EHBP1: variants seen among roughly 807,000 people sequenced by gnomAD.
EHBP1 encodes the protein EH domain binding protein 1, also known as EH domain-binding protein 1.
In EHBP1, 55 loss-of-function variants were observed where a neutral mutation model predicts 144.0. That is an observed-to-expected ratio of 0.38 (90% confidence interval 0.31 to 0.48). EHBP1 has a LOEUF of 0.48. EHBP1 is among the 20% of genes least tolerant of loss of function. The pLI is 0.98. For synonymous variants in EHBP1, 469 were observed against 472.7 expected (o/e 0.99, Z 0.10); for missense variants, 1,200 against 1,364.2 (o/e 0.88, Z 1.90).
intron 7 of EHBP1, among the ~76,000 whole-genome samples, chr2:62,847,052 T>A (rs1274197259): frequency 6.6e-6 from 1 of 152,182 alleles, no homozygotes; most frequent in Non-Finnish European, 1.5e-5. Context: ...ATTATAATAG[T>A]AATGCTACCT....
intron 10 of EHBP1, among the ~76,000 whole-genome samples, chr2:62,933,440 A>C (rs1394395843): frequency 6.6e-6 from 1 of 152,184 alleles, no homozygotes; most frequent in Non-Finnish European, 1.5e-5. Context: ...CACAAATGAT[A>C]GTTTCTTAAG....
intron 21 of EHBP1, chr2:63,043,862 G>GT (rs2061787866): frequency 8.6e-6 from 1 of 116,950 alleles, no homozygotes; most frequent in Non-Finnish European, 1.6e-5. Flanking sequence ...ACTTCTCTCT[G>GT]TTTTTTGGAA....
intron 14 of EHBP1, among the ~76,000 whole-genome samples, chr2:62,977,839 G>A (rs532452297): frequency 6.6e-6 from 1 of 152,166 alleles, no homozygotes; most frequent in Non-Finnish European, 1.5e-5. Context: ...CATAGAGGAA[G>A]GATTACTTTA....
chr2:63,008,613 T>G (rs550215150), intron 19 of EHBP1, among the ~76,000 whole-genome samples: 12 of 150,018 alleles, frequency 8.0e-5, no homozygotes, highest in South Asian at 2.1e-4. Flanking sequence ...TACCTAGAGG[T>G]TTTTTTTTCT....
chr2:62,915,720 T>A (rs913539539), intron 10 of EHBP1, among the ~76,000 whole-genome samples: 3 of 151,620 alleles, frequency 2.0e-5, no homozygotes, highest in Admixed American at 6.6e-5. Context: ...TAAAAAAAAT[T>A]TTTTTTAAAA....
At chr2:62,696,935 C>G (rs1174606596) in intron 1 of EHBP1, among the ~76,000 whole-genome samples, 1 of 152,108 alleles carries the variant, frequency 6.6e-6, no homozygotes, top group Non-Finnish European at 1.5e-5. Flanking sequence ...GAGGAAAAGA[C>G]AGTGAAAATA....
At chr2:62,784,362 T>C (rs2042662959) in intron 5 of EHBP1, among the ~76,000 whole-genome samples, 1 of 152,228 alleles carries the variant, frequency 6.6e-6, no homozygotes, top group Non-Finnish European at 1.5e-5. Flanking sequence ...TTGGATTTCA[T>C]TATCCTGGGT....
intron 1 of EHBP1, among the ~76,000 whole-genome samples, chr2:62,680,987 C>G (rs1240422756): frequency 6.6e-6 from 1 of 151,946 alleles, no homozygotes; most frequent in Non-Finnish European, 1.5e-5. Context: ...TTTTGAATAT[C>G]AAACAAGATA....
rs190096499 is a variant in EHBP1, at chr2:62,893,318, C to T, written c.1185+18786C>T. ...TTTTATTATAAAAAATACTCTCATG[C>T]GCGATCGTTCTCATAACTTTTTTTT... On this transcript the variant is annotated intron_variant, in intron 10 of 22. Coordinates refer to ENST00000431489, the MANE Select transcript of EHBP1 (RefSeq NM_001142616.3). 3.4e-4 allele frequency among the ~76,000 whole-genome samples: 51 copies of T among 152,120 alleles called. 1 individual carries two copies. In the East Asian group the frequency reaches 7.2e-3, roughly 21 times the overall value.
chr2:63,021,738 C>T (rs1004815544), intron 19 of EHBP1, among the ~76,000 whole-genome samples: 4 of 151,950 alleles, frequency 2.6e-5, no homozygotes, highest in Non-Finnish European at 4.4e-5. Flanking sequence ...AGCTCTGTTC[C>T]GACACCTTTC....
chr2:62,999,692 G>T (rs1469300241), intron 19 of EHBP1, among the ~76,000 whole-genome samples: 1 of 152,044 alleles, frequency 6.6e-6, no homozygotes, highest in African/African-American at 2.4e-5. Context: ...ATATTCTATT[G>T]TATGTTTATA....
chr2:62,889,162 C>T (rs1207150547), intron 10 of EHBP1, among the ~76,000 whole-genome samples: 1 of 139,958 alleles, frequency 7.1e-6, no homozygotes, highest in Non-Finnish European at 1.5e-5. Context: ...TTCCCAGGTT[C>T]AAGCAATTCT....
chr2:62,744,096 G>A (rs1395922913), intron 2 of EHBP1, among the ~76,000 whole-genome samples: 3 of 152,104 alleles, frequency 2.0e-5, no homozygotes, highest in Non-Finnish European at 2.9e-5. Context: ...TTCCAATGGA[G>A]CCCTTTAGAC....
chr2:62,858,786 AT>A, intron 7 of EHBP1, among the ~76,000 whole-genome samples: 1 of 152,232 alleles, frequency 6.6e-6, no homozygotes, highest in East Asian at 1.9e-4. Context: ...GTGTGTTTAT[AT>A]ATTATAAATA....
intron 2 of EHBP1, among the ~76,000 whole-genome samples, chr2:62,738,516 T>C (rs2038371769): frequency 6.6e-6 from 1 of 152,190 alleles, no homozygotes; most frequent in African/African-American, 2.4e-5. Flanking sequence ...AATTCATCAG[T>C]TCCTTTCCTC....
chr2:62,841,152 A>T (rs1271762505), intron 7 of EHBP1, among the ~76,000 whole-genome samples: 1 of 152,212 alleles, frequency 6.6e-6, no homozygotes, highest in African/African-American at 2.4e-5. Flanking sequence ...ATGGAATATT[A>T]TGCAGCCATA....
chr2:62,704,552 T>G (rs2034387469), upstream of EHBP1, among the ~76,000 whole-genome samples: 2 of 152,250 alleles, frequency 1.3e-5, no homozygotes, highest in South Asian at 2.1e-4. Context: ...CCGCTTGCTT[T>G]CTTTTTATGT....
chr2:63,027,014 AT>A (rs2061010109), intron 19 of EHBP1, among the ~76,000 whole-genome samples: 1 of 152,186 alleles, frequency 6.6e-6, no homozygotes, highest in Non-Finnish European at 1.5e-5. Flanking sequence ...GTTGGCCTGA[AT>A]TCTAAATAAA....
At position 62,689,335 on chromosome 2, in the gene EHBP1, A is replaced by G. The variant is rs187486525; in HGVS notation, c.-296+15252A>G. On this transcript the variant is annotated intron_variant, in intron 1 of 22. Coordinates refer to the EHBP1 transcript ENST00000405015. ...TATGATATATCTTCATGAAACAAAA[A>G]TAGCTATTACTGAAATAATTTTTTA... Among the ~76,000 whole-genome samples the G allele has an allele frequency of 2.5e-3, 379 of 152,360 alleles. 2 individuals are homozygous for G. The highest frequency in any genetic ancestry group is 8.6e-3 in the African/African-American group (356 of 41,586).
Sources: allele counts gnomAD v4.1 joint callset (sites outside exome capture counted in the v4.1 genomes callset), GRCh38; gene constraint gnomAD v4.1.1; transcripts MANE v1.5; gene names NCBI Gene and HGNC (gene_info 2026-07-23, HGNC 2026-07-21).